The following GABRR2 variants were observed in gnomAD, a reference collection of about 807,000 sequenced individuals.
The protein encoded by GABRR2 is gamma-aminobutyric acid type A receptor subunit rho2.
Under a neutral mutation model 47.0 loss-of-function variants are expected in GABRR2, and 36 were observed. The ratio of observed to expected loss-of-function variants is 0.77; its 90% CI spans 0.59 to 1.01. The LOEUF is 1.01. GABRR2 is among the 50% of genes least tolerant of loss of function. The pLI is 0.00. For missense variants in GABRR2, 587 were observed against 594.6 expected (o/e 0.99, Z 0.13); for synonymous variants, 204 against 227.5 (o/e 0.90, Z 0.93).
chr6:89,302,703 G>A (rs1275692244), intron 1 of GABRR2: 16 of 1,345,894 alleles, frequency 1.2e-5, no homozygotes, highest in Non-Finnish European at 7.2e-6. Flanking sequence ...CCTGGCAGTG[G>A]CCACCGTGTT....
chr6:89,273,510 G>T (rs62416352), intron 2 of GABRR2, among the ~76,000 whole-genome samples: 2 of 152,086 alleles, frequency 1.3e-5, no homozygotes, highest in African/African-American at 4.8e-5. Flanking sequence ...GCTGGGATTA[G>T]AGGCATGAGC....
At position 89,276,957 on chromosome 6, in the gene GABRR2, C is replaced by A. The variant is rs1774173077; in HGVS notation, c.221-5235G>T. The stretch of plus-strand genomic sequence containing the variant: ...GTCCTCCATGTAGAAAACTATGAAA[C>A]ATTATTGAGAGAAATTAAAGCAGAC... On this transcript the variant is annotated intron_variant, in intron 2 of 8. Transcript: ENST00000402938. 1.3e-5 allele frequency among the ~76,000 whole-genome samples: 2 copies of A among 152,084 alleles called. 1 individual carries two copies. Among genetic ancestry groups the A allele is most frequent in the South Asian group, 4.1e-4 (2 of 4,822 alleles).
At chr6:89,302,884 T>C (rs1767481835) in intron 1 of GABRR2, 2 of 1,228,376 alleles carry the variant, frequency 1.6e-6, no homozygotes, top group African/African-American at 1.5e-5. Flanking sequence ...AGCACGGGCA[T>C]CCAGGAGCTG....
chr6:89,311,893 T>C (rs1325144978), intron 1 of GABRR2, among the ~76,000 whole-genome samples: 1 of 152,206 alleles, frequency 6.6e-6, no homozygotes, highest in East Asian at 1.9e-4. Context: ...TGAACCTGAT[T>C]TTCCTGAATT....
chr6:89,258,494 C>A (rs1490284554), intron 8 of GABRR2, among the ~76,000 whole-genome samples: 1 of 150,076 alleles, frequency 6.7e-6, no homozygotes, highest in African/African-American at 2.5e-5. Flanking sequence ...TCGCTTGAGG[C>A]CAGTATTTCA....
intron 1 of GABRR2, among the ~76,000 whole-genome samples, chr6:89,314,120 T>C (rs1431167293): frequency 1.3e-5 from 2 of 152,096 alleles, no homozygotes; most frequent in African/African-American, 2.4e-5. Flanking sequence ...ATGCATGTAT[T>C]AGAGGTACAG....
At chr6:89,311,395 G>C (rs1170300699) in intron 1 of GABRR2, among the ~76,000 whole-genome samples, 1 of 152,200 alleles carries the variant, frequency 6.6e-6, no homozygotes, top group Non-Finnish European at 1.5e-5. Flanking sequence ...TGAGGGCCCA[G>C]AGTTTTTTTA....
chr6:89,293,558 G>T (rs768860674), intron 2 of GABRR2, among the ~76,000 whole-genome samples: 1 of 152,258 alleles, frequency 6.6e-6, no homozygotes, highest in South Asian at 2.1e-4. Context: ...AGGCTAAGGC[G>T]GGCAGATCAC....
chr6:89,273,070 GGTGACTATTTTCT>G (rs1389657287), intron 2 of GABRR2, among the ~76,000 whole-genome samples: 2 of 152,104 alleles, frequency 1.3e-5, no homozygotes, highest in Non-Finnish European at 2.9e-5. Flanking sequence ...GGTGAGGTTG[GGTGACTATTTTCT>G]GTGTTCTTAA....
At chr6:89,273,095 C>T (rs931829812) in intron 2 of GABRR2, among the ~76,000 whole-genome samples, 8 of 152,106 alleles carry the variant, frequency 5.3e-5, no homozygotes, top group African/African-American at 1.4e-4. Context: ...TGTTCTTAAA[C>T]GTGAAAGAAA....
chr6:89,294,420 A>G (rs1030679775), intron 2 of GABRR2, among the ~76,000 whole-genome samples: 4 of 152,244 alleles, frequency 2.6e-5, no homozygotes, highest in Non-Finnish European at 5.9e-5. Context: ...AGCTGGGATT[A>G]CAGGCATGAG....
At position 89,257,656 on chromosome 6, in the gene GABRR2, C is replaced by T. The variant is rs56225722; in HGVS notation, c.*14G>A. On this transcript the variant is annotated 3_prime_UTR_variant, in exon 9 of 9. Transcript: ENST00000402938. The stretch of plus-strand genomic sequence containing the variant: ...CGATGTCTATGCCCTCTTCTAGGAA[C>T]AGCCTTGGAGCCCCTAGGAAAACAC... The T allele has an allele frequency of 5.7e-4, 917 of 1,598,310 alleles. 2 individuals are homozygous for T. In the African/African-American group the frequency reaches 0.011, roughly 19 times the overall value.
At chr6:89,298,846 G>T (rs1388107890) in intron 2 of GABRR2, among the ~76,000 whole-genome samples, 1 of 152,154 alleles carries the variant, frequency 6.6e-6, no homozygotes, top group African/African-American at 2.4e-5. Context: ...TGAGGGTGGA[G>T]CCCTCACCAG....
At chr6:89,298,771 T>C (rs1774598409) in intron 2 of GABRR2, among the ~76,000 whole-genome samples, 1 of 152,164 alleles carries the variant, frequency 6.6e-6, no homozygotes, top group Non-Finnish European at 1.5e-5. Flanking sequence ...CAAATGTGTA[T>C]GTTGCAATCC....
chr6:89,299,069 G>A (rs527601560), intron 2 of GABRR2, among the ~76,000 whole-genome samples: 1 of 152,296 alleles, frequency 6.6e-6, no homozygotes, highest in African/African-American at 2.4e-5. Context: ...TGTTTTGTGT[G>A]AAAGCCAGAA....
rs984449218 is a variant in GABRR2 at position 89,264,280 on chromosome 6, C to T, written c.1086+132G>A. The T allele has an allele frequency of 1.1e-5, 12 of 1,110,512 alleles. No individual in the cohort carries two copies. In the Admixed American group the frequency reaches 2.3e-4, roughly 21 times the overall value. The allele number at this position is 1,110,512 out of a possible 1,614,324, so 68.8% of individuals were successfully genotyped here. ...GTAGAAGCCAGAACCTATTCTAAAA[C>T]AAGATCCTCCTCGTTTTGCACAAAC... On this transcript the variant is annotated intron_variant, in intron 8 of 8. Coordinates refer to ENST00000402938, the MANE Select transcript of GABRR2 (RefSeq NM_002043.5).
chr6:89,305,918 C>T (rs892623846), intron 1 of GABRR2, among the ~76,000 whole-genome samples: 1 of 151,880 alleles, frequency 6.6e-6, no homozygotes. Flanking sequence ...TACCTCTATA[C>T]CGAGTCTGCA....
At chr6:89,297,826 C>A (rs151065239) in intron 2 of GABRR2, among the ~76,000 whole-genome samples, 3 of 152,162 alleles carry the variant, frequency 2.0e-5, no homozygotes, top group African/African-American at 7.2e-5. Flanking sequence ...GCACTCCAGC[C>A]TAGGTGACAA....
chr6:89,293,833 C>T (rs1774510027), intron 2 of GABRR2, among the ~76,000 whole-genome samples: 1 of 152,110 alleles, frequency 6.6e-6, no homozygotes, highest in South Asian at 2.1e-4. Flanking sequence ...AGCATTTCTC[C>T]CAACAAAAGG....
Sources: gnomAD v4.1 joint callset for allele counts (sites outside exome capture counted in the v4.1 genomes callset) on GRCh38, gnomAD v4.1.1 for gene constraint, MANE v1.5 for transcripts, NCBI Gene and HGNC (gene_info 2026-07-23, HGNC 2026-07-21) for gene names.